Variants in TOP6BL observed in about 807,000 individuals in gnomAD.
TOP6BL encodes the protein type 2 DNA topoisomerase 6 subunit B-like.
the TOP6BL span, among the ~76,000 whole-genome samples, chr11:66,777,478 G>A: frequency 6.6e-6 from 1 of 152,076 alleles, no homozygotes; most frequent in Admixed American, 6.6e-5. Flanking sequence ...AATATCACTG[G>A]AATGAATATC....
At chr11:66,781,876 G>T in the TOP6BL span, among the ~76,000 whole-genome samples, 1 of 151,956 alleles carries the variant, frequency 6.6e-6, no homozygotes, top group African/African-American at 2.4e-5. Context: ...CTTGACTGTG[G>T]GTTATCATTT....
At chr11:66,760,076 A>C in the TOP6BL span, among the ~76,000 whole-genome samples, 2 of 152,212 alleles carry the variant, frequency 1.3e-5, no homozygotes, top group Non-Finnish European at 2.9e-5. Context: ...TTACAAAATA[A>C]CTTTTAAAAA....
the TOP6BL span, among the ~76,000 whole-genome samples, chr11:66,785,392 ATTAACT>A: frequency 6.6e-6 from 1 of 152,186 alleles, no homozygotes; most frequent in African/African-American, 2.4e-5. Context: ...AGATTGTTCT[ATTAACT>A]TTATTTCCTT....
the TOP6BL span, among the ~76,000 whole-genome samples, chr11:66,794,678 T>C: frequency 1.3e-5 from 2 of 152,098 alleles, no homozygotes; most frequent in Non-Finnish European, 2.9e-5. Context: ...GGGAAGTGTT[T>C]GTAGTATATT....
the TOP6BL span, chr11:66,843,288 AT>A: frequency 2.5e-6 from 4 of 1,590,656 alleles, no homozygotes; most frequent in Middle Eastern, 2.3e-4. Context: ...GGCAGCCGTT[AT>A]CCCGTGGTTT....
At chr11:66,775,858 A>C in the TOP6BL span, among the ~76,000 whole-genome samples, 1 of 152,074 alleles carries the variant, frequency 6.6e-6, no homozygotes, top group African/African-American at 2.4e-5. Flanking sequence ...TAATGGTCTT[A>C]GATATCTTTT....
At chr11:66,818,101 A>G in the TOP6BL span, among the ~76,000 whole-genome samples, 8 of 152,000 alleles carry the variant, frequency 5.3e-5, no homozygotes, top group South Asian at 2.1e-4. Flanking sequence ...GTGGGACTCT[A>G]TTCTCCAGGC....
the TOP6BL span, among the ~76,000 whole-genome samples, chr11:66,802,114 C>T: frequency 7.2e-5 from 11 of 152,060 alleles, no homozygotes; most frequent in African/African-American, 2.4e-4. Context: ...CTCAGCCTCT[C>T]GAGTAGCTAG....
At chr11:66,797,318 G>C in the TOP6BL span, among the ~76,000 whole-genome samples, 1 of 151,868 alleles carries the variant, frequency 6.6e-6, no homozygotes, top group Non-Finnish European at 1.5e-5. Flanking sequence ...CTTAATGTTG[G>C]TTATGTGTTA....
the TOP6BL span, among the ~76,000 whole-genome samples, chr11:66,826,765 C>A: frequency 1.3e-5 from 2 of 151,874 alleles, no homozygotes; most frequent in African/African-American, 2.4e-5. Flanking sequence ...TCACTGCAAC[C>A]TCCGCCTCCC....
At chr11:66,835,212 T>C in the TOP6BL span, among the ~76,000 whole-genome samples, 6 of 151,714 alleles carry the variant, frequency 4.0e-5, no homozygotes, top group African/African-American at 7.3e-5. Context: ...AATTTCAAGA[T>C]AGGAGAAAGA....
the TOP6BL span, chr11:66,748,666 G>A: frequency 1.5e-6 from 1 of 651,952 alleles, no homozygotes; most frequent in African/African-American, 1.9e-5. Flanking sequence ...TAAGTGTCTG[G>A]TGGTAGATTT....
chr11:66,762,299 C>A, the TOP6BL span: 3 of 426,162 alleles, frequency 7.0e-6, no homozygotes, highest in South Asian at 4.7e-5. Context: ...GCCGGGGCGC[C>A]GGCCAGGAGC....
At chr11:66,807,610 C>A in the TOP6BL span, among the ~76,000 whole-genome samples, 3 of 152,020 alleles carry the variant, frequency 2.0e-5, no homozygotes, top group Non-Finnish European at 2.9e-5. Flanking sequence ...ATAAAAGCAT[C>A]AAAGAGCTAG....
At chr11:66,843,427 C>T in the TOP6BL span, 1 of 1,392,234 alleles carries the variant, frequency 7.2e-7, no homozygotes, top group Non-Finnish European at 9.2e-7. Context: ...GGGACTGCGT[C>T]ACTGGTGCGC....
chr11:66,779,075 G>A, the TOP6BL span, among the ~76,000 whole-genome samples: 1 of 152,104 alleles, frequency 6.6e-6, no homozygotes, highest in Admixed American at 6.5e-5. Flanking sequence ...AGAAAACCTA[G>A]GCAATACCAT....
At chr11:66,843,357 CGGGCG>C in the TOP6BL span, 5,562 of 1,455,232 alleles carry the variant, frequency 3.8e-3, 182 homozygotes, top group African/African-American at 0.068. Flanking sequence ...GCGTCGGGCC[CGGGCG>C]GGGCGGGGCG....
the TOP6BL span, chr11:66,828,584 G>C: frequency 2.1e-6 from 1 of 487,064 alleles, no homozygotes; most frequent in Admixed American, 3.3e-5. Flanking sequence ...GTTGTTTCAT[G>C]TGTTGTATCC....
At chr11:66,755,783 T>G in the TOP6BL span, among the ~76,000 whole-genome samples, 1 of 152,226 alleles carries the variant, frequency 6.6e-6, no homozygotes, top group Admixed American at 6.5e-5. Flanking sequence ...TAGCTTCTGG[T>G]GATTGCTGAC....
Sources: allele counts gnomAD v4.1 joint callset (sites outside exome capture counted in the v4.1 genomes callset), GRCh38; gene constraint gnomAD v4.1.1; transcripts MANE v1.5; gene names NCBI Gene and HGNC (gene_info 2026-07-23, HGNC 2026-07-21).